The following SLC24A2 variants were observed in gnomAD, a reference collection of about 807,000 sequenced individuals.
SLC24A2 encodes the protein sodium/potassium/calcium exchanger 2.
In SLC24A2, 36 loss-of-function variants were observed where a neutral mutation model predicts 62.0. The ratio of observed to expected loss-of-function variants is 0.58; its 90% CI spans 0.44 to 0.77. SLC24A2 has a LOEUF of 0.77. Ranked by LOEUF, SLC24A2 falls within the 30% of genes least tolerant of loss-of-function variation. The pLI, the probability that SLC24A2 is intolerant of heterozygous loss-of-function variation, is 0.00. For missense variants in SLC24A2, 846 were observed against 817.9 expected (o/e 1.03, Z -0.42); for synonymous variants, 358 against 294.0 (o/e 1.22, Z -2.23).
the SLC24A2 span, among the ~76,000 whole-genome samples, chr9:19,835,731 A>G: frequency 3.9e-5 from 6 of 152,234 alleles, no homozygotes; most frequent in African/African-American, 1.4e-4. Flanking sequence ...CAGACCTAAT[A>G]GACATCTACA....
the SLC24A2 span, among the ~76,000 whole-genome samples, chr9:20,113,553 T>C: frequency 1.6e-4 from 25 of 152,334 alleles, no homozygotes; most frequent in East Asian, 4.8e-3. Flanking sequence ...TGTCCACTTT[T>C]TAAATTTTGG....
chr9:19,612,970 G>A (rs897718752), intron 4 of SLC24A2, among the ~76,000 whole-genome samples: 12 of 152,190 alleles, frequency 7.9e-5, no homozygotes, highest in African/African-American at 1.4e-4. Context: ...GATCAATGTC[G>A]GTAGAGATAT....
At chr9:19,597,618 G>A (rs773574410) in intron 4 of SLC24A2, among the ~76,000 whole-genome samples, 1 of 152,138 alleles carries the variant, frequency 6.6e-6, no homozygotes, top group Non-Finnish European at 1.5e-5. Context: ...GTGACACTCC[G>A]AGAGAAAGGG....
the SLC24A2 span, among the ~76,000 whole-genome samples, chr9:20,097,894 C>T: frequency 2.6e-5 from 4 of 151,612 alleles, no homozygotes; most frequent in African/African-American, 9.7e-5. Context: ...AGGCGCTCGA[C>T]ACCACGCCGG....
At chr9:19,658,946 G>A (rs893664675) in intron 2 of SLC24A2, among the ~76,000 whole-genome samples, 8 of 152,180 alleles carry the variant, frequency 5.3e-5, no homozygotes, top group Admixed American at 4.6e-4. Flanking sequence ...CAAGTGCTTT[G>A]TAGACCCTTG....
chr9:20,122,370 T>C, the SLC24A2 span, among the ~76,000 whole-genome samples: 1 of 152,148 alleles, frequency 6.6e-6, no homozygotes. Context: ...TGTCATGAAT[T>C]TGTGTTGTTT....
At chr9:19,860,922 C>T in the SLC24A2 span, among the ~76,000 whole-genome samples, 1 of 152,160 alleles carries the variant, frequency 6.6e-6, no homozygotes, top group Non-Finnish European at 1.5e-5. Flanking sequence ...ATCTCAGAAG[C>T]AGTACAATAG....
chr9:19,753,168 C>A (rs1368919689), intron 2 of SLC24A2, among the ~76,000 whole-genome samples: 2 of 152,146 alleles, frequency 1.3e-5, no homozygotes, highest in East Asian at 3.9e-4. Context: ...GTCCCCAGAC[C>A]ACTGCTGGCT....
chr9:19,704,577 T>G (rs1003715266), intron 2 of SLC24A2, among the ~76,000 whole-genome samples: 3 of 152,238 alleles, frequency 2.0e-5, no homozygotes, highest in Admixed American at 1.3e-4. Flanking sequence ...ATTCCTTTTC[T>G]GTTTTCAGAA....
the SLC24A2 span, among the ~76,000 whole-genome samples, chr9:19,833,153 T>G: frequency 3.9e-5 from 6 of 152,176 alleles, 1 homozygote; most frequent in Admixed American, 1.3e-4. Flanking sequence ...GCATGAGCGA[T>G]GCAGAAAATG....
chr9:20,269,877 A>G, the SLC24A2 span, among the ~76,000 whole-genome samples: 605 of 152,322 alleles, frequency 4.0e-3, 4 homozygotes, highest in African/African-American at 0.013. Flanking sequence ...TTGTGTTGCT[A>G]TAACAGAATA....
chr9:19,656,783 T>C (rs933510027), intron 2 of SLC24A2, among the ~76,000 whole-genome samples: 4 of 152,212 alleles, frequency 2.6e-5, no homozygotes, highest in African/African-American at 9.6e-5. Flanking sequence ...ACTGTGGTAG[T>C]TGAAATGCGT....
chr9:19,776,409 T>C (rs1822847765), intron 2 of SLC24A2, among the ~76,000 whole-genome samples: 1 of 152,218 alleles, frequency 6.6e-6, no homozygotes, highest in South Asian at 2.1e-4. Flanking sequence ...TTTCAGAGTG[T>C]TGATGTAGTA....
the SLC24A2 span, among the ~76,000 whole-genome samples, chr9:20,187,225 G>T: frequency 3.9e-5 from 6 of 152,060 alleles, no homozygotes; most frequent in East Asian, 1.9e-4. Flanking sequence ...CTCAAATATG[G>T]CATTGTTTTG....
At chr9:20,046,380 G>A in the SLC24A2 span, among the ~76,000 whole-genome samples, 1 of 152,360 alleles carries the variant, frequency 6.6e-6, no homozygotes, top group East Asian at 1.9e-4. Context: ...ACAGAGTAAG[G>A]AAGCACTTAG....
chr9:20,095,329 T>A, the SLC24A2 span, among the ~76,000 whole-genome samples: 2 of 152,244 alleles, frequency 1.3e-5, no homozygotes, highest in African/African-American at 2.4e-5. Flanking sequence ...ATTTTATCCG[T>A]CAACTTGATT....
intron 8 of SLC24A2, among the ~76,000 whole-genome samples, chr9:19,528,882 C>T: frequency 6.6e-6 from 1 of 152,170 alleles, no homozygotes; most frequent in Non-Finnish European, 1.5e-5. Flanking sequence ...ATGTTCAATT[C>T]TGCTTCTAGA....
Position 19,636,315 on chromosome 9 carries a change from T to TTTCCTTCCTTTCTTTCTTTC in SLC24A2, c.931-14017_931-14016insGAAAGAAAGAAAGGAAGGAA, listed in dbSNP as rs1554690361. On this transcript the variant is annotated intron_variant, in intron 2 of 10. Transcript: ENST00000341998. ...TTTTCTTTTCTTTTCTTTTCTTTTC[T>TTTCCTTCCTTTCTTTCTTTC]TTTCTTTCTTTCTTTCTTTCTTTCT... Among the ~76,000 whole-genome samples, 5 of 40,328 alleles carry TTTCCTTCCTTTCTTTCTTTC rather than the reference T, an allele frequency of 1.2e-4. 2 individuals carry two copies. The highest frequency in any genetic ancestry group is 5.8e-4 in the African/African-American group (5 of 8,648). 26.5% of individuals were successfully genotyped at this position (40,328 alleles called of 152,430 possible).
the SLC24A2 span, among the ~76,000 whole-genome samples, chr9:19,853,418 C>T: frequency 1.3e-5 from 2 of 152,116 alleles, no homozygotes; most frequent in Admixed American, 6.5e-5. Flanking sequence ...AGCTTTTGCT[C>T]TTTCAGTATT....
Sources: allele counts gnomAD v4.1 joint callset (sites outside exome capture counted in the v4.1 genomes callset), GRCh38; gene constraint gnomAD v4.1.1; transcripts MANE v1.5; gene names NCBI Gene and HGNC (gene_info 2026-07-23, HGNC 2026-07-21).